TMEM87A: variants seen among roughly 807,000 people sequenced by gnomAD.
TMEM87A encodes the protein transmembrane protein 87A, also known as Golgi-pH regulating cation channel.
A neutral mutation model predicts 90.0 loss-of-function variants in TMEM87A; 50 were observed. The observed-to-expected ratio is 0.56, with a 90% CI of 0.44 to 0.70. TMEM87A has a LOEUF of 0.70. Among genes scored for constraint, TMEM87A ranks in the 30% least tolerant of loss-of-function variants. The pLI, the probability that TMEM87A is intolerant of heterozygous loss-of-function variation, is 0.00. For missense variants in TMEM87A, 577 were observed against 660.5 expected (o/e 0.87, Z 1.39); for synonymous variants, 226 against 226.7 (o/e 1.00, Z 0.03).
At chr15:42,256,255 C>A (rs2051182585) in intron 6 of TMEM87A, among the ~76,000 whole-genome samples, 1 of 152,090 alleles carries the variant, frequency 6.6e-6, no homozygotes, top group Non-Finnish European at 1.5e-5. Flanking sequence ...ATTCTCAGGC[C>A]TCATGCACCC....
chr15:42,271,411 A>C (rs981658922), intron 2 of TMEM87A: 1 of 152,242 alleles, frequency 6.6e-6, no homozygotes, highest in Non-Finnish European at 1.5e-5. Flanking sequence ...ACCACCATGC[A>C]GGGAATCAAC....
chr15:42,245,523 T>C (rs1013249785), intron 6 of TMEM87A, among the ~76,000 whole-genome samples: 1 of 145,688 alleles, frequency 6.9e-6, no homozygotes, highest in African/African-American at 2.6e-5. Context: ...TTTATTACTT[T>C]TTTTTTTTTT....
At position 42,261,320 on chromosome 15, in the gene TMEM87A, AAAG is replaced by A. The variant is rs1157965240; in HGVS notation, c.406-74_406-72del. The A allele has an allele frequency of 1.2e-5, 16 of 1,364,088 alleles. No individual in the cohort carries two copies. The East Asian group carries it at 3.5e-4, about 30-fold the overall frequency. The allele number at this position is 1,364,088 out of a possible 1,614,324, so 84.5% of individuals were successfully genotyped here. On this transcript the variant is annotated intron_variant, in intron 4 of 19. Coordinates refer to ENST00000389834, the MANE Select transcript of TMEM87A (RefSeq NM_015497.5). ...AGAAGAAAAGTGTAGCTCAAAATAC[AAAG>A]AAATGGTTAGAACAAAACACCACAC...
chr15:42,225,371 T>C (rs1171240145), intron 15 of TMEM87A, among the ~76,000 whole-genome samples: 1 of 152,168 alleles, frequency 6.6e-6, no homozygotes, highest in Non-Finnish European at 1.5e-5. Context: ...TTGCCTATAG[T>C]TGGACAAATC....
intron 4 of TMEM87A, among the ~76,000 whole-genome samples, chr15:42,261,762 T>C (rs368514323): frequency 0.01 from 1,570 of 151,814 alleles, 24 homozygotes; most frequent in African/African-American, 0.035. Flanking sequence ...GCCTCCCGAA[T>C]AGCTGGGACT....
upstream of TMEM87A, chr15:42,273,470 G>T: frequency 6.3e-7 from 1 of 1,593,088 alleles, no homozygotes; most frequent in South Asian, 1.1e-5. Context: ...TTCCGGCTCT[G>T]CTCTAAGGGC....
chr15:42,221,343 A>G (rs1352138320), intron 15 of TMEM87A, among the ~76,000 whole-genome samples: 1 of 152,088 alleles, frequency 6.6e-6, no homozygotes, highest in Non-Finnish European at 1.5e-5. Context: ...AAAAGGCAAC[A>G]GCATTCCTAC....
At chr15:42,227,634 A>G in intron 14 of TMEM87A, 77 bp downstream of exon 14, 2 of 1,368,466 alleles carry the variant, frequency 1.5e-6, no homozygotes, top group East Asian at 4.6e-5. Context: ...ATAACTTAGA[A>G]GAACCTTACC....
intron 2 of TMEM87A, among the ~76,000 whole-genome samples, chr15:42,268,296 A>C (rs8038046): frequency 2.0e-4 from 31 of 152,316 alleles, no homozygotes; most frequent in African/African-American, 7.2e-4. Context: ...ATAAAGTCCT[A>C]ACTTCTGGAT....
chr15:42,212,967 T>A (rs868769925), intron 19 of TMEM87A, among the ~76,000 whole-genome samples: 2 of 152,204 alleles, frequency 1.3e-5, no homozygotes, highest in African/African-American at 2.4e-5. Context: ...ACAGACACAC[T>A]GATTCAATAA....
In TMEM87A at chr15:42,243,140, C is replaced by T. The variant is rs546234941; in HGVS notation, c.622+910G>A. Among the ~76,000 whole-genome samples the T allele has an allele frequency of 3.3e-3, 501 of 151,968 alleles. 3 individuals carry two copies. The highest frequency in any genetic ancestry group is 0.011 in the African/African-American group (464 of 41,434). ...AAAATTAGCTGGGTGTGGTGGCGGG[C>T]GCCTGTAGTCCCAGCTACTTCGGAG... On this transcript the variant is annotated intron_variant, in intron 7 of 19. Coordinates refer to ENST00000389834, the MANE Select transcript of TMEM87A (RefSeq NM_015497.5).
At chr15:42,254,701 G>A (rs1375974661) in intron 6 of TMEM87A, among the ~76,000 whole-genome samples, 1 of 152,198 alleles carries the variant, frequency 6.6e-6, no homozygotes, top group Admixed American at 6.5e-5. Context: ...GGAGTTGAAG[G>A]GGAAGGGAGA....
chr15:42,251,241 G>A (rs2051079344), intron 6 of TMEM87A, among the ~76,000 whole-genome samples: 1 of 152,158 alleles, frequency 6.6e-6, no homozygotes, highest in African/African-American at 2.4e-5. Context: ...GCCTACTTCT[G>A]TCAACTCGTC....
intron 12 of TMEM87A, among the ~76,000 whole-genome samples, chr15:42,229,359 A>G (rs1411390774): frequency 6.6e-6 from 1 of 152,064 alleles, no homozygotes; most frequent in Non-Finnish European, 1.5e-5. Context: ...GAATAAAGTA[A>G]GAATGTACAA....
chr15:42,241,159 T>C (rs1595727238), intron 7 of TMEM87A, among the ~76,000 whole-genome samples: 1 of 152,226 alleles, frequency 6.6e-6, no homozygotes, highest in Non-Finnish European at 1.5e-5. Flanking sequence ...TATGCTAAAA[T>C]ATACATTTAC....
chr15:42,264,699 A>ATATTTTTTTTT (rs10681614), intron 3 of TMEM87A, among the ~76,000 whole-genome samples: 19 of 109,420 alleles, frequency 1.7e-4, no homozygotes, highest in East Asian at 2.9e-4. Context: ...ATATATATAT[A>ATATTTTTTTTT]TTTTTTTTTT....
intron 10 of TMEM87A, 78 bp from the exon 11 acceptor site, chr15:42,233,384 A>G: frequency 9.3e-7 from 1 of 1,071,100 alleles, no homozygotes. Flanking sequence ...AACTTGTGTT[A>G]ATTAATATAG....
intron 17 of TMEM87A, 119 bp from the exon 18 acceptor site, chr15:42,218,497 G>T: frequency 2.3e-6 from 2 of 867,768 alleles, no homozygotes; most frequent in Non-Finnish European, 3.4e-6. Context: ...TCACAAATGG[G>T]ACTGCTGACA....
chr15:42,273,113 C>A (rs1446037828), intron 1 of TMEM87A, 142 bp downstream of exon 1: 3 of 1,047,752 alleles, frequency 2.9e-6, no homozygotes, highest in Non-Finnish European at 4.2e-6. Flanking sequence ...GAGGTGGGTC[C>A]CAGTTGGCTA....
Sources: gnomAD v4.1 joint callset for allele counts (sites outside exome capture counted in the v4.1 genomes callset) on GRCh38, gnomAD v4.1.1 for gene constraint, MANE v1.5 for transcripts, NCBI Gene and HGNC (gene_info 2026-07-23, HGNC 2026-07-21) for gene names.